MTF2: variants seen among roughly 807,000 people sequenced by gnomAD.
The protein encoded by MTF2 is metal-response element-binding transcription factor 2.
In MTF2, 11 loss-of-function variants were observed where a neutral mutation model predicts 79.5. The ratio of observed to expected loss-of-function variants is 0.14; its 90% confidence interval spans 0.09 to 0.23. The LOEUF is 0.23. MTF2 is among the 10% of genes least tolerant of loss of function. MTF2 has a pLI of 1.00. For synonymous variants in MTF2, 208 were observed against 232.8 expected, an observed-to-expected ratio of 0.89 and a Z score of 0.97; for missense variants, 486 against 711.2, an observed-to-expected ratio of 0.68 and a Z score of 3.60.
chr1:93,081,988 C>T (rs1654622287), intron 1 of MTF2, among the ~76,000 whole-genome samples: 1 of 152,082 alleles, frequency 6.6e-6, no homozygotes, highest in African/African-American at 2.4e-5. Flanking sequence ...TCTTTTTGTA[C>T]ATTTAAGATG....
chr1:93,102,542 TG>T (rs1557547340), intron 1 of MTF2, among the ~76,000 whole-genome samples: 1 of 151,776 alleles, frequency 6.6e-6, no homozygotes, highest in Non-Finnish European at 1.5e-5. Flanking sequence ...CAGTGACCCA[TG>T]ATTGCACCAC....
intron 1 of MTF2, among the ~76,000 whole-genome samples, chr1:93,083,301 G>C (rs1654690138): frequency 1.3e-5 from 2 of 152,186 alleles, no homozygotes; most frequent in Admixed American, 6.5e-5. Context: ...AATGTTGGGG[G>C]TTACAATTTG....
chr1:93,132,163 G>A (rs1656945512), intron 11 of MTF2, among the ~76,000 whole-genome samples: 1 of 152,204 alleles, frequency 6.6e-6, no homozygotes, highest in Non-Finnish European at 1.5e-5. Flanking sequence ...TAAAGGTATG[G>A]AATAGTCATC....
intron 9 of MTF2, among the ~76,000 whole-genome samples, chr1:93,126,668 A>C (rs963577970): frequency 6.6e-6 from 1 of 152,062 alleles, no homozygotes; most frequent in African/African-American, 2.4e-5. Context: ...TTATGATGAA[A>C]AATTATTGAG....
intron 9 of MTF2, among the ~76,000 whole-genome samples, chr1:93,125,853 G>A (rs1656674981): frequency 6.6e-6 from 1 of 152,080 alleles, no homozygotes; most frequent in South Asian, 2.1e-4. Flanking sequence ...TGTAAAAGAA[G>A]GAATGAAAGA....
chr1:93,101,878 C>A (rs967481476), intron 1 of MTF2, among the ~76,000 whole-genome samples: 1 of 151,982 alleles, frequency 6.6e-6, no homozygotes, highest in African/African-American at 2.4e-5. Flanking sequence ...ATGCCTGGCC[C>A]GTCTTAACCA....
At chr1:93,108,227 G>A (rs1393369615) in intron 1 of MTF2, among the ~76,000 whole-genome samples, 2 of 152,070 alleles carry the variant, frequency 1.3e-5, no homozygotes, top group Non-Finnish European at 2.9e-5. Flanking sequence ...GAGGGAATAT[G>A]CATTTATGCT....
chr1:93,121,190 T>A, intron 9 of MTF2: 1 of 983,516 alleles, frequency 1.0e-6, no homozygotes, highest in East Asian at 1.1e-4. Context: ...CATCTCATTT[T>A]GCTTCTCATT....
At chr1:93,116,501 A>ATTTTTTT (rs34058324) in intron 6 of MTF2, among the ~76,000 whole-genome samples, 11 of 120,418 alleles carry the variant, frequency 9.1e-5, no homozygotes, top group African/African-American at 1.3e-4. Flanking sequence ...CCATTGTAAG[A>ATTTTTTT]TTTTTTTTTT....
intron 1 of MTF2, among the ~76,000 whole-genome samples, chr1:93,105,782 TCTC>T (rs1426529917): frequency 1.3e-5 from 2 of 151,998 alleles, no homozygotes; most frequent in Non-Finnish European, 2.9e-5. Context: ...TTCAAGCAGT[TCTC>T]CTGCCTCAGC....
intron 8 of MTF2, 146 bp from the exon 9 acceptor site, chr1:93,120,403 T>C (rs1465998357): frequency 6.8e-5 from 40 of 590,206 alleles, no homozygotes; most frequent in Middle Eastern, 4.7e-4. Flanking sequence ...GTTATTTTTA[T>C]GTGTAGTGAT....
At position 93,133,813 on chromosome 1, in the gene MTF2, G is replaced by A. The variant is rs1390876489; in HGVS notation, c.1266+5G>A. 1 of 1,594,480 alleles carries A rather than the reference G, an allele frequency of 6.3e-7. No individual in the cohort carries two copies. Reference sequence around the variant, plus strand: ...AAAACTGCTGAGCCACTTTTGGTAAGAGGATATGTTGGTATATGTTCTCAA... The same window carrying A: ...AAAACTGCTGAGCCACTTTTGGTAAAAGGATATGTTGGTATATGTTCTCAA... On this transcript the variant is annotated splice_donor_5th_base_variant and intron_variant, in intron 12 of 14. Coordinates refer to ENST00000370298, the MANE Select transcript of MTF2 (RefSeq NM_007358.4).
intron 1 of MTF2, among the ~76,000 whole-genome samples, chr1:93,100,746 T>C (rs1334911477): frequency 6.6e-6 from 1 of 152,124 alleles, no homozygotes; most frequent in African/African-American, 2.4e-5. Flanking sequence ...AGGCAACGAG[T>C]CTCAGGCTTC....
chr1:93,089,102 T>C (rs1285998920), intron 1 of MTF2, among the ~76,000 whole-genome samples: 1 of 152,220 alleles, frequency 6.6e-6, no homozygotes, highest in African/African-American at 2.4e-5. Context: ...GTTCATTCTC[T>C]AACCTGTTAG....
Position 93,136,845 on chromosome 1 carries a change from A to T in MTF2, c.1600A>T (p.Ile534Phe). 1 of 1,614,234 alleles carries T rather than the reference A, an allele frequency of 6.2e-7. No homozygotes were observed. The highest frequency in any genetic ancestry group is 1.1e-5 in the South Asian group (1 of 91,084). ...DYQFDELNTE[I>F]LNNLADQELQ... ...TCAGTTTGATGAACTCAACACAGAG[A>T]TTCTGAATAACTTAGCAGATCAGGA... The change falls in exon 15 of 15, where the codon ATT becomes TTT. Residue 534 changes from isoleucine (I) to phenylalanine (F), a missense_variant. Physicochemically the swap from Ile to Phe is conservative, Grantham distance 21. Around this residue, in one of 4 missense-constraint regions of MTF2, gnomAD observed 209 missense variants for 206.5 expected, o/e 1.01. Coordinates refer to ENST00000370298, the MANE Select transcript of MTF2 (RefSeq NM_007358.4).
At chr1:93,107,823 C>G (rs1422517443) in intron 1 of MTF2, among the ~76,000 whole-genome samples, 1 of 151,650 alleles carries the variant, frequency 6.6e-6, no homozygotes, top group Non-Finnish European at 1.5e-5. Flanking sequence ...CTCTGTTGCT[C>G]AGGCTGGAGT....
At chr1:93,134,993 G>A (rs1283621720) in intron 14 of MTF2, among the ~76,000 whole-genome samples, 1 of 151,350 alleles carries the variant, frequency 6.6e-6, no homozygotes, top group Non-Finnish European at 1.5e-5. Flanking sequence ...TTTTTGAGAT[G>A]GAGTCTCGCT....
chr1:93,120,516 T>C, intron 8 of MTF2, 33 bp from the exon 9 acceptor site: 1 of 1,530,138 alleles, frequency 6.5e-7, no homozygotes, highest in Non-Finnish European at 8.7e-7. Flanking sequence ...CCAAAAACAT[T>C]GTTTTGTGTA....
intron 1 of MTF2, among the ~76,000 whole-genome samples, chr1:93,108,533 TGAG>T (rs1655899509): frequency 6.6e-6 from 1 of 152,122 alleles, no homozygotes; most frequent in South Asian, 2.1e-4. Flanking sequence ...TTGTTTCTGA[TGAG>T]AAGTCAACTG....
Sources: allele counts gnomAD v4.1 joint callset (sites outside exome capture counted in the v4.1 genomes callset), GRCh38; gene constraint gnomAD v4.1.1; regional missense constraint gnomAD v4.1.1; transcripts MANE v1.5; gene names NCBI Gene and HGNC (gene_info 2026-07-23, HGNC 2026-07-21).